PLXDC2: variants seen among roughly 807,000 people sequenced by gnomAD.
PLXDC2 encodes the protein plexin domain-containing protein 2.
Under a neutral mutation model 68.9 loss-of-function variants are expected in PLXDC2, and 40 were observed. That is an observed-to-expected ratio of 0.58 (90% CI 0.45 to 0.76). PLXDC2 has a LOEUF of 0.76. Among genes scored for constraint, PLXDC2 ranks in the 30% least tolerant of loss-of-function variants. The pLI, the probability that PLXDC2 is intolerant of heterozygous loss-of-function variation, is 0.00. For synonymous variants in PLXDC2, 243 were observed against 234.2 expected (o/e 1.04, Z -0.34); for missense variants, 644 against 661.9 (o/e 0.97, Z 0.30).
At chr10:19,943,750 G>C (rs1833857155) in intron 1 of PLXDC2, among the ~76,000 whole-genome samples, 1 of 152,172 alleles carries the variant, frequency 6.6e-6, no homozygotes, top group Non-Finnish European at 1.5e-5. Context: ...CTTCAAGTAG[G>C]AACAGTCTCA....
chr10:19,940,682 T>C (rs904188720), intron 1 of PLXDC2, among the ~76,000 whole-genome samples: 9 of 152,162 alleles, frequency 5.9e-5, no homozygotes, highest in Admixed American at 1.3e-4. Flanking sequence ...TATTATCAAA[T>C]TCTTAGTAGA....
At chr10:19,955,699 A>C (rs1379263750) in intron 1 of PLXDC2, among the ~76,000 whole-genome samples, 4 of 152,210 alleles carry the variant, frequency 2.6e-5, no homozygotes, top group Admixed American at 2.6e-4. Flanking sequence ...CTTAAAAAAA[A>C]AAGAAGTTGT....
intron 1 of PLXDC2, among the ~76,000 whole-genome samples, chr10:19,951,569 C>T (rs1833993297): frequency 6.6e-6 from 1 of 152,170 alleles, no homozygotes; most frequent in South Asian, 2.1e-4. Context: ...TAAGTTAGTT[C>T]AGCTATTGTG....
At chr10:20,164,720 C>A (rs1473285889) in intron 7 of PLXDC2, among the ~76,000 whole-genome samples, 153 bp downstream of exon 7, 1 of 152,130 alleles carries the variant, frequency 6.6e-6, no homozygotes, top group Admixed American at 6.6e-5. Context: ...CTTTATAACT[C>A]CGATTGGGCT....
chr10:20,053,554 G>T (rs1448631085), intron 3 of PLXDC2, among the ~76,000 whole-genome samples: 1 of 152,038 alleles, frequency 6.6e-6, no homozygotes, highest in Non-Finnish European at 1.5e-5. Context: ...TTCCCTCTTG[G>T]TAGACATTTC....
chr10:20,157,502 C>G (rs948912070), intron 6 of PLXDC2, among the ~76,000 whole-genome samples: 12 of 152,196 alleles, frequency 7.9e-5, no homozygotes, highest in African/African-American at 2.4e-5. Context: ...TTAACTATTA[C>G]TTAAGCGGCA....
chr10:20,090,168 A>G (rs1450815515), intron 4 of PLXDC2, among the ~76,000 whole-genome samples: 2 of 152,216 alleles, frequency 1.3e-5, no homozygotes, highest in Non-Finnish European at 2.9e-5. Flanking sequence ...TCATATGTCT[A>G]TCTTATGCCA....
At chr10:19,876,832 T>G (rs1413936849) in intron 1 of PLXDC2, among the ~76,000 whole-genome samples, 3 of 152,156 alleles carry the variant, frequency 2.0e-5, no homozygotes, top group African/African-American at 7.2e-5. Context: ...GTTGTCAGGT[T>G]AAATATTATC....
At chr10:20,104,781 G>T (rs1470459646) in intron 4 of PLXDC2, among the ~76,000 whole-genome samples, 1 of 152,074 alleles carries the variant, frequency 6.6e-6, no homozygotes, top group Admixed American at 6.6e-5. Flanking sequence ...GGCCGGGTGT[G>T]GTGTCTCACG....
chr10:20,032,925 T>C (rs557083578), intron 2 of PLXDC2, among the ~76,000 whole-genome samples: 4 of 150,984 alleles, frequency 2.6e-5, no homozygotes, highest in African/African-American at 9.7e-5. Flanking sequence ...ATCATTTTCT[T>C]AGTTTTAAAA....
chr10:20,131,333 T>C (rs1028429789), intron 4 of PLXDC2, among the ~76,000 whole-genome samples: 3 of 152,128 alleles, frequency 2.0e-5, no homozygotes, highest in Non-Finnish European at 4.4e-5. Flanking sequence ...GCATATAATT[T>C]TTATAGTAGT....
At chr10:19,861,878 C>T (rs1378788516) in intron 1 of PLXDC2, among the ~76,000 whole-genome samples, 2 of 152,168 alleles carry the variant, frequency 1.3e-5, no homozygotes, top group African/African-American at 4.8e-5. Context: ...CCTGCAGCTA[C>T]ATCAAGATCC....
intron 4 of PLXDC2, among the ~76,000 whole-genome samples, chr10:20,135,337 A>G (rs1160505196): frequency 6.6e-6 from 1 of 152,216 alleles, no homozygotes; most frequent in Admixed American, 6.5e-5. Flanking sequence ...CAGTCTAGAA[A>G]TGGTTCTGAA....
intron 2 of PLXDC2, among the ~76,000 whole-genome samples, chr10:20,025,637 C>T (rs150406714): frequency 1.2e-4 from 18 of 152,130 alleles, no homozygotes; most frequent in African/African-American, 3.9e-4. Context: ...ATTTCTCTGA[C>T]GATTAGTGGT....
chr10:19,939,509 A>G (rs999242874), intron 1 of PLXDC2, among the ~76,000 whole-genome samples: 2 of 152,158 alleles, frequency 1.3e-5, no homozygotes, highest in Non-Finnish European at 2.9e-5. Flanking sequence ...CCAAAAAAAA[A>G]GAGAACTGTA....
At chr10:20,265,707 A>G (rs939876794) in intron 13 of PLXDC2, among the ~76,000 whole-genome samples, 1 of 152,214 alleles carries the variant, frequency 6.6e-6, no homozygotes, top group Non-Finnish European at 1.5e-5. Flanking sequence ...GTAGAAGAGC[A>G]GGCTAACTAC....
At chr10:20,250,701 G>A (rs1403934413) in intron 13 of PLXDC2, among the ~76,000 whole-genome samples, 2 of 152,100 alleles carry the variant, frequency 1.3e-5, no homozygotes, top group African/African-American at 4.8e-5. Flanking sequence ...TAGAAATGCA[G>A]GCTGATATAC....
chr10:19,922,660 G>A (rs1833479447), intron 1 of PLXDC2, among the ~76,000 whole-genome samples: 1 of 152,170 alleles, frequency 6.6e-6, no homozygotes, highest in African/African-American at 2.4e-5. Context: ...AAGAAGAAGG[G>A]ATAAACGCTT....
At chr10:20,056,645 C>A (rs935368394) in intron 3 of PLXDC2, among the ~76,000 whole-genome samples, 1 of 152,178 alleles carries the variant, frequency 6.6e-6, no homozygotes, top group African/African-American at 2.4e-5. Context: ...TGATCCATTT[C>A]TTTTGCATAT....
Sources: gnomAD v4.1 joint callset for allele counts (sites outside exome capture counted in the v4.1 genomes callset) on GRCh38, gnomAD v4.1.1 for gene constraint, MANE v1.5 for transcripts, NCBI Gene and HGNC (gene_info 2026-07-23, HGNC 2026-07-21) for gene names.